GRID1: variants seen among roughly 807,000 people sequenced by gnomAD.
GRID1 encodes glutamate ionotropic receptor delta type subunit 1.
Under a neutral mutation model 98.0 loss-of-function variants are expected in GRID1, and 28 were observed. The observed-to-expected ratio is 0.29, with a 90% CI of 0.21 to 0.39. GRID1 has a LOEUF of 0.39. Ranked by LOEUF, GRID1 falls within the 10% of genes least tolerant of loss-of-function variation. GRID1 has a pLI of 1.00. For synonymous variants in GRID1, 553 were observed against 538.5 expected (o/e 1.03, Z -0.37); for missense variants, 1,111 against 1,340.5 (o/e 0.83, Z 2.67).
chr10:85,699,800 A>T (rs1380436267), intron 12 of GRID1, among the ~76,000 whole-genome samples: 1 of 152,338 alleles, frequency 6.6e-6, no homozygotes, highest in Non-Finnish European at 1.5e-5. Context: ...ATCTCTAATT[A>T]TAGATTGCCT....
chr10:86,346,600 G>A (rs890213301), intron 2 of GRID1, among the ~76,000 whole-genome samples: 1 of 152,256 alleles, frequency 6.6e-6, no homozygotes, highest in African/African-American at 2.4e-5. Flanking sequence ...TAATCGTTCA[G>A]AGCGGAGCAG....
chr10:85,814,897 C>T (rs1007985671), intron 8 of GRID1, among the ~76,000 whole-genome samples: 1 of 151,978 alleles, frequency 6.6e-6, no homozygotes, highest in Non-Finnish European at 1.5e-5. Flanking sequence ...TATTTACCAA[C>T]TCTTTTTATG....
At chr10:86,205,249 C>G (rs1846009243) in intron 3 of GRID1, among the ~76,000 whole-genome samples, 1 of 152,218 alleles carries the variant, frequency 6.6e-6, no homozygotes, top group South Asian at 2.1e-4. Flanking sequence ...TTATATCACC[C>G]AGAGACAAAA....
intron 4 of GRID1, among the ~76,000 whole-genome samples, chr10:85,969,280 T>C (rs577682946): frequency 1.3e-5 from 2 of 152,222 alleles, no homozygotes; most frequent in South Asian, 2.1e-4. Context: ...CCATAATTGG[T>C]AGAACAACTA....
chr10:86,258,765 AC>A (rs1394078507), intron 2 of GRID1, among the ~76,000 whole-genome samples: 1 of 152,098 alleles, frequency 6.6e-6, no homozygotes, highest in Non-Finnish European at 1.5e-5. Context: ...GAAACAATCT[AC>A]TCCACATATC....
At chr10:85,995,863 G>GAAC (rs1355543954) in intron 4 of GRID1, among the ~76,000 whole-genome samples, 1 of 152,228 alleles carries the variant, frequency 6.6e-6, no homozygotes, top group East Asian at 1.9e-4. Flanking sequence ...CTAACAAGCG[G>GAAC]TTTATGAAGT....
At chr10:85,931,252 C>T (rs1841847197) in intron 4 of GRID1, among the ~76,000 whole-genome samples, 1 of 152,086 alleles carries the variant, frequency 6.6e-6, no homozygotes. Context: ...CCTGCCCTAC[C>T]CCTCTACCCA....
intron 4 of GRID1, among the ~76,000 whole-genome samples, chr10:85,954,920 C>A (rs1371912618): frequency 6.6e-6 from 1 of 152,206 alleles, no homozygotes; most frequent in Non-Finnish European, 1.5e-5. Context: ...AAACCCACTG[C>A]AGACACTTGT....
chr10:85,946,130 C>G (rs1412862633), intron 4 of GRID1, among the ~76,000 whole-genome samples: 1 of 152,042 alleles, frequency 6.6e-6, no homozygotes, highest in Non-Finnish European at 1.5e-5. Context: ...GCATCAAGTC[C>G]CAGACTTTTA....
At chr10:86,114,198 C>T (rs1243953218) in intron 4 of GRID1, among the ~76,000 whole-genome samples, 3 of 151,976 alleles carry the variant, frequency 2.0e-5, no homozygotes, top group South Asian at 2.1e-4. Flanking sequence ...GTGCAGTATA[C>T]GTTCCTGGCT....
intron 12 of GRID1, among the ~76,000 whole-genome samples, chr10:85,667,672 A>G (rs1439772319): frequency 6.6e-6 from 1 of 152,232 alleles, no homozygotes; most frequent in East Asian, 1.9e-4. Context: ...AAGACATGCA[A>G]CAGGTCTGGC....
At chr10:86,043,129 G>A (rs1048120727) in intron 4 of GRID1, among the ~76,000 whole-genome samples, 1 of 152,120 alleles carries the variant, frequency 6.6e-6, no homozygotes, top group Middle Eastern at 3.2e-3. Flanking sequence ...ACATCAGAGA[G>A]TGGAGTTACA....
intron 4 of GRID1, among the ~76,000 whole-genome samples, chr10:86,038,070 G>C (rs1843293671): frequency 6.6e-6 from 1 of 152,116 alleles, no homozygotes; most frequent in South Asian, 2.1e-4. Context: ...GAAGACATAG[G>C]GAGAAGATAA....
chr10:86,341,282 C>T (rs952206321), intron 2 of GRID1, among the ~76,000 whole-genome samples: 1 of 152,056 alleles, frequency 6.6e-6, no homozygotes, highest in African/African-American at 2.4e-5. Flanking sequence ...GCAAGAAAAC[C>T]CTACCACCGA....
At chr10:85,616,658 T>G (rs117076371) in intron 14 of GRID1, among the ~76,000 whole-genome samples, 5,058 of 152,148 alleles carry the variant, frequency 0.033, 124 homozygotes, top group Non-Finnish European at 0.047. Flanking sequence ...CAAAGGAAAT[T>G]TAAGTATGGA....
rs1037080614 is a variant in GRID1 at position 86,366,357 on chromosome 10, T to G, written c.36A>C (p.Ile12=). 2.0e-6 allele frequency: 3 copies of G among 1,521,484 alleles called. No individual in the cohort carries two copies. In the African/African-American group the frequency reaches 4.3e-5, roughly 22 times the overall value. The allele number at this position is 1,521,484 out of a possible 1,614,324, so 94.2% of individuals were successfully genotyped here. Residue 12 remains isoleucine, a synonymous_variant, in exon 1 of 16, where the codon ATA becomes ATC. Transcript: ENST00000327946. The surrounding 1 kb of genome is among the most constrained non-coding windows in gnomAD (Gnocchi z 4.1). ...EALTLWLLPW[I]CQCVSVRADS... is the part of the protein sequence containing the mutation. ...CGGCCCGCACCGACACGCACTGGCA[T>G]ATCCAGGGGAGAAGCCACAGCGTCA...
intron 8 of GRID1, among the ~76,000 whole-genome samples, chr10:85,741,236 G>A (rs931966724): frequency 6.6e-6 from 1 of 152,046 alleles, no homozygotes; most frequent in East Asian, 1.9e-4. Flanking sequence ...CTCTGCAAAA[G>A]GTTTTCTCAC....
chr10:86,012,894 T>C (rs1842937025), intron 4 of GRID1, among the ~76,000 whole-genome samples: 2 of 152,222 alleles, frequency 1.3e-5, no homozygotes, highest in Non-Finnish European at 2.9e-5. Flanking sequence ...TATGGTATTT[T>C]GTTATAGCAG....
intron 8 of GRID1, among the ~76,000 whole-genome samples, chr10:85,815,189 C>T (rs1164575721): frequency 2.0e-5 from 3 of 152,000 alleles, no homozygotes; most frequent in African/African-American, 7.2e-5. Context: ...CAACAAAATT[C>T]AACATCTATT....
Sources: allele counts gnomAD v4.1 joint callset (sites outside exome capture counted in the v4.1 genomes callset), GRCh38; gene constraint gnomAD v4.1.1; non-coding constraint Gnocchi (gnomAD v3.1); transcripts MANE v1.5; gene names NCBI Gene and HGNC (gene_info 2026-07-23, HGNC 2026-07-21).